The following SLC5A8 variants were observed in gnomAD, a reference collection of about 807,000 sequenced individuals.
SLC5A8 encodes solute carrier family 5 member 8, also known as sodium-coupled monocarboxylate transporter 1.
Under a neutral mutation model 71.9 loss-of-function variants are expected in SLC5A8, and 55 were observed. That is an observed-to-expected ratio of 0.77 (90% CI 0.62 to 0.96). The LOEUF (loss-of-function observed/expected upper bound fraction) is 0.96. Ranked by LOEUF, SLC5A8 falls within the 40% of genes least tolerant of loss-of-function variation. The pLI is 0.00. For missense variants in SLC5A8, 701 were observed against 745.3 expected (o/e 0.94, Z 0.69); for synonymous variants, 307 against 276.1 (o/e 1.11, Z -1.11).
intron 8 of SLC5A8, among the ~76,000 whole-genome samples, chr12:101,183,453 A>G (rs1593373458): frequency 1.3e-5 from 2 of 152,176 alleles, no homozygotes; most frequent in Admixed American, 1.3e-4. Flanking sequence ...GAGAAAGGAT[A>G]TGTTCATGTT....
At chr12:101,171,452 T>G (rs2051829238) in intron 10 of SLC5A8, among the ~76,000 whole-genome samples, 1 of 152,124 alleles carries the variant, frequency 6.6e-6, no homozygotes, top group Non-Finnish European at 1.5e-5. Context: ...CTGCCCAAGT[T>G]TGAAAGTGCG....
rs753343900 is a variant in SLC5A8 at position 101,168,152 on chromosome 12, C to T, written c.1264G>A (p.Gly422Arg). The T allele has an allele frequency of 1.2e-6, 2 of 1,609,662 alleles. No individual in the cohort carries two copies. Among genetic ancestry groups the T allele is most frequent in the Non-Finnish European group, 8.5e-7 (1 of 1,177,822 alleles). Reference sequence around the variant, plus strand: ...AAAGCGAACAGGCCCATAAGTGGTCCACCAACCATACCAAATACGCTGAGT... The same window carrying T: ...AAAGCGAACAGGCCCATAAGTGGTCTACCAACCATACCAAATACGCTGAGT... ...AALSVFGMVG[G>R]PLMGLFALGI... Residue 422 changes from glycine to arginine, a missense_variant, in exon 11 of 15, where the codon GGA becomes AGA. Physicochemically the swap from Gly to Arg is moderately radical, Grantham distance 125. Transcript: ENST00000536262.
intron 10 of SLC5A8, among the ~76,000 whole-genome samples, chr12:101,175,153 C>T (rs1030001762): frequency 6.6e-6 from 1 of 151,562 alleles, no homozygotes; most frequent in Admixed American, 6.6e-5. Flanking sequence ...TGAACAAATA[C>T]AATAACTGAA....
rs951410335 is a variant in SLC5A8 at position 101,209,834 on chromosome 12, C to T, written c.15G>A (p.Arg5=). 7.0e-6 allele frequency: 11 copies of T among 1,562,160 alleles called. No homozygotes were observed. Among genetic ancestry groups the T allele is most frequent in the Non-Finnish European group, 9.6e-6 (11 of 1,151,826 alleles). The change falls in exon 1 of 15, where the codon CGG becomes CGA. Residue 5 remains arginine, a synonymous_variant. Coordinates refer to ENST00000536262, the MANE Select transcript of SLC5A8 (RefSeq NM_145913.5). The part of the protein sequence containing the change: MDTP[R]GIGTFVVWDY... ...CCCACACCACGAAGGTGCCGATGCC[C>T]CGTGGCGTGTCCATGGCCGCACGGT...
chr12:101,180,174 C>T (rs1487222777), intron 9 of SLC5A8, 78 bp from the exon 10 acceptor site: 8 of 1,412,922 alleles, frequency 5.7e-6, no homozygotes, highest in Non-Finnish European at 7.0e-6. Flanking sequence ...TCCACCACAC[C>T]TTTGATTCAA....
intron 6 of SLC5A8, among the ~76,000 whole-genome samples, chr12:101,189,025 C>A (rs1262929211): frequency 6.6e-6 from 1 of 152,086 alleles, no homozygotes; most frequent in Non-Finnish European, 1.5e-5. Context: ...GAAAATGAGT[C>A]CCCTGGGTTT....
chr12:101,178,663 G>T (rs190726655), intron 10 of SLC5A8, among the ~76,000 whole-genome samples: 12 of 152,012 alleles, frequency 7.9e-5, no homozygotes, highest in Non-Finnish European at 1.6e-4. Flanking sequence ...AACTCCAAAG[G>T]GATTGTAGAC....
At chr12:101,188,466 C>A (rs1431969405) in intron 6 of SLC5A8, among the ~76,000 whole-genome samples, 3 of 152,086 alleles carry the variant, frequency 2.0e-5, no homozygotes, top group African/African-American at 7.2e-5. Flanking sequence ...CTTCCCAACC[C>A]CCGCAGGAAG....
At chr12:101,158,951 C>A (rs200090932) in intron 13 of SLC5A8, among the ~76,000 whole-genome samples, 1,094 of 115,556 alleles carry the variant, frequency 9.5e-3, no homozygotes, top group Non-Finnish European at 0.012. Flanking sequence ...GTTTTCTTTA[C>A]AAAAAAAAAA....
In SLC5A8 at chr12:101,158,830, A is replaced by G. The variant is rs974245294; in HGVS notation, c.1631-502T>C. Reference sequence around the variant, plus strand: ...GCTGCTTTTCCCCACTTTGTTGGCTACAAATATACATGTCTATGAAGAAAT... The same window carrying G: ...GCTGCTTTTCCCCACTTTGTTGGCTGCAAATATACATGTCTATGAAGAAAT... On this transcript the variant is annotated intron_variant, in intron 13 of 14. Coordinates refer to ENST00000536262, the MANE Select transcript of SLC5A8 (RefSeq NM_145913.5). Among the ~76,000 whole-genome samples, 3 of 150,998 alleles carry G rather than the reference A, an allele frequency of 2.0e-5. 1 individual carries two copies. Among genetic ancestry groups the G allele is most frequent in the Admixed American group, 1.3e-4 (2 of 15,086 alleles).
Position 101,209,950 on chromosome 12 carries a change from G to T in SLC5A8, c.-102C>A. On this transcript the variant is annotated 5_prime_UTR_variant, in exon 1 of 15. Transcript: ENST00000536262. ...TATCCCGGATCCCTGGCGCGCAGGC[G>T]TGGCGTCCCGCGGGGACTGGAGGCG... is the stretch of plus-strand genomic sequence containing the variant. The T allele has an allele frequency of 3.5e-6, 4 of 1,129,796 alleles. No individual in the cohort carries two copies. The highest frequency in any genetic ancestry group is 3.6e-6 in the Non-Finnish European group (3 of 835,228). 70.0% of individuals were successfully genotyped at this position (1,129,796 alleles called of 1,614,324 possible).
intron 4 of SLC5A8, among the ~76,000 whole-genome samples, chr12:101,194,248 A>T (rs1289683773): frequency 6.6e-6 from 1 of 152,152 alleles, no homozygotes; most frequent in African/African-American, 2.4e-5. Flanking sequence ...CACCACAAGA[A>T]ATTTCCCAAG....
In SLC5A8 at chr12:101,158,951, C is replaced by CAAAAA. The variant is rs34838052; in HGVS notation, c.1631-628_1631-624dup. Among the ~76,000 whole-genome samples the CAAAAA allele has an allele frequency of 3.4e-5, 4 of 116,668 alleles. 1 individual carries two copies. Among genetic ancestry groups the CAAAAA allele is most frequent in the African/African-American group, 9.2e-5 (3 of 32,502 alleles). The allele number at this position is 116,668 out of a possible 152,430, so 76.5% of individuals were successfully genotyped here. ...ATCCTCTTCCCTAAGGTTTTCTTTA[C>CAAAAA]AAAAAAAAAAAAAAAAATTCTATTT... On this transcript the variant is annotated intron_variant, in intron 13 of 14. Transcript: ENST00000536262.
At chr12:101,176,718 A>G (rs1681092) in intron 10 of SLC5A8, among the ~76,000 whole-genome samples, 81,477 of 151,794 alleles carry the variant, frequency 0.54, 24,495 homozygotes, top group African/African-American at 0.82. Flanking sequence ...CAAAGAAAAC[A>G]TAAAAATACA....
At chr12:101,161,457 A>T (rs557066955) in intron 13 of SLC5A8, among the ~76,000 whole-genome samples, 2 of 152,290 alleles carry the variant, frequency 1.3e-5, no homozygotes, top group Non-Finnish European at 2.9e-5. Flanking sequence ...AAAAATGAAC[A>T]CACTTTTTAA....
At chr12:101,201,406 G>A (rs1306062563) in intron 3 of SLC5A8, among the ~76,000 whole-genome samples, 3 of 152,088 alleles carry the variant, frequency 2.0e-5, no homozygotes, top group Non-Finnish European at 4.4e-5. Flanking sequence ...TTAACCCCAG[G>A]AATTGTACCA....
At chr12:101,159,251 G>T (rs2051703757) in intron 13 of SLC5A8, among the ~76,000 whole-genome samples, 2 of 152,146 alleles carry the variant, frequency 1.3e-5, no homozygotes, top group African/African-American at 4.8e-5. Flanking sequence ...GGGAACCTCT[G>T]CTGTTCTGGA....
At chr12:101,180,287 G>A (rs1410462123) in intron 9 of SLC5A8, among the ~76,000 whole-genome samples, 191 bp from the exon 10 acceptor site, 1 of 152,152 alleles carries the variant, frequency 6.6e-6, no homozygotes, top group African/African-American at 2.4e-5. Context: ...TCAAGAGGAC[G>A]AAGCCCTTAC....
At chr12:101,184,292 C>A (rs1868514565) in intron 7 of SLC5A8, 70 bp from the exon 8 acceptor site, 3 of 1,288,294 alleles carry the variant, frequency 2.3e-6, no homozygotes, top group East Asian at 2.4e-5. Flanking sequence ...CCTAGTTTAT[C>A]ATTTGTCTTG....
Sources: allele counts gnomAD v4.1 joint callset (sites outside exome capture counted in the v4.1 genomes callset), GRCh38; gene constraint gnomAD v4.1.1; transcripts MANE v1.5; gene names NCBI Gene and HGNC (gene_info 2026-07-23, HGNC 2026-07-21).